COPS7B: variants seen among roughly 807,000 people sequenced by gnomAD.
The protein encoded by COPS7B is COP9 signalosome complex subunit 7b.
A neutral mutation model predicts 33.4 loss-of-function variants in COPS7B; 9 were observed. The ratio of observed to expected loss-of-function variants is 0.27; its 90% confidence interval spans 0.16 to 0.47. The LOEUF (loss-of-function observed/expected upper bound fraction) is 0.47. Among genes scored for constraint, COPS7B ranks in the 20% least tolerant of loss-of-function variants. The pLI is 0.99. For missense variants in COPS7B, 242 were observed against 318.2 expected (o/e 0.76, Z 1.82); for synonymous variants, 119 against 126.3 (o/e 0.94, Z 0.39).
Position 231,808,798 on chromosome 2 carries a change from G to GGGGGGTGT in COPS7B, c.*1154_*1155insGGGGTGTG. 1.3e-5 allele frequency: 1 copy of GGGGGGTGT among 75,804 alleles called. No individual in the cohort carries two copies. Among genetic ancestry groups the GGGGGGTGT allele is most frequent in the South Asian group, 3.9e-4 (1 of 2,584 alleles). The allele number at this position is 75,804 out of a possible 1,614,324, so 4.7% of individuals were successfully genotyped here. ...TGGTTGGAGGGTGGGGGTGGGGTGGGGTGTGTGTGTGTGTGTGTGTGTGTG... is the reference window on the plus strand; with the variant it reads ...TGGTTGGAGGGTGGGGGTGGGGTGGGGGGGGTGTGTGTGTGTGTGTGTGTGTGTGTGTG... On this transcript the variant is annotated 3_prime_UTR_variant, in exon 7 of 7. Coordinates refer to ENST00000350033, the MANE Select transcript of COPS7B (RefSeq NM_022730.4).
At chr2:231,801,280 T>C (rs1574675376) in intron 6 of COPS7B, 4 of 1,539,840 alleles carry the variant, frequency 2.6e-6, no homozygotes, top group East Asian at 4.9e-5. Flanking sequence ...GAATATTCTC[T>C]CCATTTAGGC....
chr2:231,788,458 TA>T, intron 1 of COPS7B, 96 bp from the exon 2 acceptor site: 1 of 1,183,462 alleles, frequency 8.4e-7, no homozygotes, highest in Non-Finnish European at 1.2e-6. Context: ...ATCAACACTA[TA>T]AAAGTAAAGT....
At chr2:231,796,057 T>C (rs367651903) in intron 4 of COPS7B, 49 bp from the exon 5 acceptor site, 1 of 1,553,936 alleles carries the variant, frequency 6.4e-7, no homozygotes, top group East Asian at 2.2e-5. Flanking sequence ...GCATTTTCGC[T>C]AATGCTTGCC....
chr2:231,806,242 A>G (rs1187163468), intron 6 of COPS7B, among the ~76,000 whole-genome samples: 2 of 152,070 alleles, frequency 1.3e-5, no homozygotes, highest in African/African-American at 4.8e-5. Flanking sequence ...TGACCCTGAC[A>G]ACTCCTTTTC....
At chr2:231,782,001 T>C (rs1271394867), upstream of COPS7B, 3 of 916,890 alleles carry the variant, frequency 3.3e-6, no homozygotes, top group Admixed American at 2.5e-5. Context: ...TTTCAGGGTT[T>C]TTTGCTGTAT....
intron 2 of COPS7B, chr2:231,791,463 T>C (rs2049413605): frequency 6.7e-6 from 3 of 445,610 alleles, no homozygotes; most frequent in East Asian, 4.2e-5. Flanking sequence ...ATGCTTTGTA[T>C]GTGTGTGTGA....
intron 1 of COPS7B, among the ~76,000 whole-genome samples, chr2:231,787,191 G>A (rs2049275223): frequency 6.6e-6 from 1 of 150,980 alleles, no homozygotes; most frequent in Non-Finnish European, 1.5e-5. Flanking sequence ...CCTCAAACTC[G>A]TTGTTCCCCA....
At chr2:231,802,946 C>A (rs62198575) in intron 6 of COPS7B, among the ~76,000 whole-genome samples, 2 of 152,164 alleles carry the variant, frequency 1.3e-5, no homozygotes, top group Non-Finnish European at 2.9e-5. Flanking sequence ...CAGGCCAGGC[C>A]TTTGTGGAGG....
At chr2:231,801,632 T>G (rs1276603862) in intron 6 of COPS7B, among the ~76,000 whole-genome samples, 2 of 136,936 alleles carry the variant, frequency 1.5e-5, no homozygotes, top group Admixed American at 1.4e-4. Context: ...TTTCTTTTCT[T>G]TTTTTTTTTT....
chr2:231,801,266 C>G, intron 6 of COPS7B: 1 of 1,544,842 alleles, frequency 6.5e-7, no homozygotes, highest in Non-Finnish European at 8.7e-7. Context: ...CACAGACTGC[C>G]GAAGAATATT....
chr2:231,793,056 G>T (rs1052580589), intron 3 of COPS7B, among the ~76,000 whole-genome samples: 2 of 152,142 alleles, frequency 1.3e-5, no homozygotes, highest in Non-Finnish European at 2.9e-5. Context: ...TTAGCAGACT[G>T]CCTGTAGCCA....
intron 1 of COPS7B, among the ~76,000 whole-genome samples, chr2:231,787,505 A>T (rs556394071): frequency 9.3e-4 from 141 of 152,102 alleles, no homozygotes; most frequent in Non-Finnish European, 1.5e-3. Context: ...TCCTGTACTT[A>T]ATGTCTTCGG....
intron 5 of COPS7B, among the ~76,000 whole-genome samples, chr2:231,796,887 C>G (rs935178888): frequency 6.6e-6 from 1 of 152,156 alleles, no homozygotes; most frequent in Non-Finnish European, 1.5e-5. Context: ...GATAACTATA[C>G]TCTGGTATAT....
upstream of COPS7B, among the ~76,000 whole-genome samples, chr2:231,784,525 A>G (rs116556808): frequency 2.0e-3 from 299 of 152,204 alleles, 2 homozygotes; most frequent in African/African-American, 7.0e-3. Flanking sequence ...AATTGCAGCC[A>G]TGGAGTCTGG....
chr2:231,805,652 T>C (rs73088822), intron 6 of COPS7B, among the ~76,000 whole-genome samples: 4,570 of 151,410 alleles, frequency 0.03, 209 homozygotes, highest in African/African-American at 0.1. Flanking sequence ...TTTATGTCTT[T>C]TTGTTGAGAT....
At chr2:231,791,685 G>A (rs1394218064) in intron 2 of COPS7B, 48 bp from the exon 3 acceptor site, 1 of 1,503,702 alleles carries the variant, frequency 6.7e-7, no homozygotes, top group East Asian at 2.3e-5. Context: ...ACACTACAGT[G>A]ATTGGTAGAC....
intron 6 of COPS7B, chr2:231,801,233 C>T (rs2049736378): frequency 1.9e-6 from 3 of 1,550,032 alleles, no homozygotes; most frequent in African/African-American, 1.4e-5. Context: ...AAGAGCCCTC[C>T]TTCTTAATGA....
At chr2:231,799,870 G>A (rs2049692373) in intron 6 of COPS7B, among the ~76,000 whole-genome samples, 1 of 152,126 alleles carries the variant, frequency 6.6e-6, no homozygotes, top group Non-Finnish European at 1.5e-5. Context: ...AATTTGGAGT[G>A]ATTCTCTATA....
At position 231,802,340 on chromosome 2, in the gene COPS7B, A is replaced by G. The variant is rs149254317; in HGVS notation, c.636+3376A>G. Among the ~76,000 whole-genome samples, 389 of 152,304 alleles carry G rather than the reference A, an allele frequency of 2.6e-3. 2 individuals are homozygous for G. Among genetic ancestry groups the G allele is most frequent in the African/African-American group, 9.0e-3 (374 of 41,574 alleles). ...ATCACCCAGTTCTCTTTTTCTTTGT[A>G]GCACTTTTCCAGTTGTGCACTGTGT... On this transcript the variant is annotated intron_variant, in intron 6 of 6. Coordinates refer to ENST00000350033, the MANE Select transcript of COPS7B (RefSeq NM_022730.4).
Sources: allele counts gnomAD v4.1 joint callset (sites outside exome capture counted in the v4.1 genomes callset), GRCh38; gene constraint gnomAD v4.1.1; transcripts MANE v1.5; gene names NCBI Gene and HGNC (gene_info 2026-07-23, HGNC 2026-07-21).